Variants in ARMH3 observed in about 807,000 individuals in gnomAD.
ARMH3 encodes armadillo-like helical domain-containing protein 3.
A neutral mutation model predicts 99.1 loss-of-function variants in ARMH3; 60 were observed. That is an observed-to-expected ratio of 0.61 (90% CI 0.49 to 0.75). ARMH3 has a LOEUF of 0.75. Among genes scored for constraint, ARMH3 ranks in the 30% least tolerant of loss-of-function variants. The pLI is 0.00. For synonymous variants in ARMH3, 285 were observed against 292.8 expected, an observed-to-expected ratio of 0.97 and a Z score of 0.27; for missense variants, 679 against 843.1, an observed-to-expected ratio of 0.81 and a Z score of 2.41.
chr10:101,979,808 G>A (rs1248038834), intron 19 of ARMH3, among the ~76,000 whole-genome samples: 2 of 152,138 alleles, frequency 1.3e-5, no homozygotes, highest in African/African-American at 4.8e-5. Flanking sequence ...TGGATAAATT[G>A]ATACTCTTCA....
chr10:102,038,316 G>A (rs897613079), intron 2 of ARMH3, among the ~76,000 whole-genome samples: 8 of 151,786 alleles, frequency 5.3e-5, no homozygotes, highest in African/African-American at 1.7e-4. Flanking sequence ...GGAAGGTCTC[G>A]ATCTCCTGAC....
At chr10:101,904,340 AC>A (rs2068051047) in intron 23 of ARMH3, among the ~76,000 whole-genome samples, 1 of 152,102 alleles carries the variant, frequency 6.6e-6, no homozygotes, top group Admixed American at 6.6e-5. Flanking sequence ...CAGAACACAC[AC>A]ACATTCCCTC....
intron 14 of ARMH3, among the ~76,000 whole-genome samples, chr10:102,003,004 A>AAAT (rs1461823560): frequency 4.4e-5 from 6 of 137,326 alleles, no homozygotes; most frequent in African/African-American, 7.9e-5. Context: ...AATAAATAAA[A>AAAT]ACAGATGAAC....
At chr10:101,855,313 C>G (rs2066712336) in intron 24 of ARMH3, among the ~76,000 whole-genome samples, 1 of 149,952 alleles carries the variant, frequency 6.7e-6, no homozygotes, top group Non-Finnish European at 1.5e-5. Context: ...GGTGATCCAC[C>G]TGCCTCGGCC....
intron 23 of ARMH3, among the ~76,000 whole-genome samples, chr10:101,892,219 C>A (rs1213970704): frequency 6.6e-6 from 1 of 151,928 alleles, no homozygotes; most frequent in South Asian, 2.1e-4. Context: ...CTAAGGTGGG[C>A]GGATTACTTG....
intron 23 of ARMH3, among the ~76,000 whole-genome samples, chr10:101,922,661 G>A (rs1843349919): frequency 6.6e-6 from 1 of 152,152 alleles, no homozygotes; most frequent in African/African-American, 2.4e-5. Context: ...TTTTGCATAA[G>A]TAGGAAATTA....
At chr10:102,013,877 T>C in intron 9 of ARMH3, 91 bp downstream of exon 9, 1 of 1,077,458 alleles carries the variant, frequency 9.3e-7, no homozygotes. Context: ...ACAGAATAGC[T>C]CTCTGCTCTC....
At chr10:102,035,016 C>T (rs563084228) in intron 2 of ARMH3, among the ~76,000 whole-genome samples, 11 of 152,242 alleles carry the variant, frequency 7.2e-5, no homozygotes, top group Non-Finnish European at 1.5e-4. Flanking sequence ...GCGGGTGGAT[C>T]ACCTGAGGTC....
intron 15 of ARMH3, among the ~76,000 whole-genome samples, chr10:101,998,715 C>A (rs2066276025): frequency 1.3e-5 from 2 of 152,168 alleles, no homozygotes. Flanking sequence ...TCCTCCTATG[C>A]AGTTCTTGCC....
chr10:101,925,652 T>C lies in ARMH3; in HGVS notation c.1781+14211A>G, dbSNP rs1039372462. ...GGGCTGGGGGCCGTGGCTCAGCCTG[T>C]AATCCCAGCACTTTGGAAGGTCAAG... On this transcript the variant is annotated intron_variant, in intron 23 of 25. Transcript: ENST00000370033. Among the ~76,000 whole-genome samples the C allele has an allele frequency of 2.0e-5, 3 of 152,202 alleles. No homozygotes were observed. In the East Asian group the frequency reaches 5.8e-4, roughly 29 times the overall value.
intron 1 of ARMH3, among the ~76,000 whole-genome samples, chr10:102,052,192 A>AT (rs1306245732): frequency 6.6e-6 from 1 of 152,098 alleles, no homozygotes; most frequent in African/African-American, 2.4e-5. Flanking sequence ...AATGAAAATT[A>AT]TAAGATAAAG....
intron 20 of ARMH3, among the ~76,000 whole-genome samples, chr10:101,961,308 CTCT>C (rs1034967422): frequency 2.0e-5 from 3 of 151,892 alleles, no homozygotes; most frequent in African/African-American, 4.8e-5. Flanking sequence ...TGCTTGCTCT[CTCT>C]TTTTTTTTTT....
chr10:102,010,239 C>T lies in ARMH3; in HGVS notation c.832-216G>A, dbSNP rs1374351538. On this transcript the variant is annotated intron_variant, in intron 11 of 25. Coordinates refer to ENST00000370033, the MANE Select transcript of ARMH3 (RefSeq NM_024541.3). ...TGAAATAATGAGAATCCTACTAAAT[C>T]ATCTTGCCTAGTAAATCATCTTGCC... Among the ~76,000 whole-genome samples, 5 of 152,270 alleles carry T rather than the reference C, an allele frequency of 3.3e-5. No homozygotes were observed. The South Asian group carries it at 8.3e-4, about 25-fold the overall frequency.
At chr10:102,001,864 C>T in intron 15 of ARMH3, 107 bp downstream of exon 15, 1 of 992,992 alleles carries the variant, frequency 1.0e-6, no homozygotes, top group Non-Finnish European at 1.6e-6. Flanking sequence ...TACACAAGGC[C>T]CCAATAGTTC....
intron 24 of ARMH3, among the ~76,000 whole-genome samples, chr10:101,885,635 A>G (rs561027544): frequency 6.6e-6 from 1 of 152,328 alleles, no homozygotes; most frequent in East Asian, 1.9e-4. Flanking sequence ...GGAAATGGGG[A>G]GTAACTGTTT....
chr10:102,035,010 G>A (rs1300744219), intron 2 of ARMH3, among the ~76,000 whole-genome samples: 1 of 152,042 alleles, frequency 6.6e-6, no homozygotes, highest in African/African-American at 2.4e-5. Flanking sequence ...GCTGAGGCGG[G>A]TGGATCACCT....
intron 14 of ARMH3, among the ~76,000 whole-genome samples, chr10:102,004,589 C>T (rs2066440432): frequency 6.6e-6 from 1 of 152,140 alleles, no homozygotes. Context: ...GTTTGAAAGG[C>T]AGTTCTCTGA....
intron 4 of ARMH3, among the ~76,000 whole-genome samples, chr10:102,032,469 C>T (rs1335547144): frequency 2.0e-5 from 3 of 152,144 alleles, no homozygotes; most frequent in African/African-American, 7.2e-5. Context: ...GGTGCAATCT[C>T]GGCTCACTGC....
intron 19 of ARMH3, among the ~76,000 whole-genome samples, chr10:101,987,327 CCA>C (rs1011143217): frequency 6.6e-6 from 1 of 152,164 alleles, no homozygotes; most frequent in African/African-American, 2.4e-5. Flanking sequence ...CCTGACTCCT[CCA>C]CACAGAAAAT....
Sources: gnomAD v4.1 joint callset for allele counts (sites outside exome capture counted in the v4.1 genomes callset) on GRCh38, gnomAD v4.1.1 for gene constraint, MANE v1.5 for transcripts, NCBI Gene and HGNC (gene_info 2026-07-23, HGNC 2026-07-21) for gene names.